Variants in RHOH observed in about 807,000 individuals in gnomAD.
The protein encoded by RHOH is ras homolog family member H, also known as rho-related GTP-binding protein RhoH.
Under a neutral mutation model 13.8 loss-of-function variants are expected in RHOH, and 6 were observed. The observed-to-expected ratio is 0.44, with a 90% CI of 0.24 to 0.86. The LOEUF (loss-of-function observed/expected upper bound fraction) is 0.86. Among genes scored for constraint, RHOH ranks in the 40% least tolerant of loss-of-function variants. The pLI is 0.24. For synonymous variants in RHOH, 117 were observed against 103.0 expected (o/e 1.14, Z -0.82); for missense variants, 147 against 244.5 (o/e 0.60, Z 2.66).
At chr4:40,237,037 A>G (rs903484698) in intron 1 of RHOH, among the ~76,000 whole-genome samples, 11 of 152,358 alleles carry the variant, frequency 7.2e-5, no homozygotes, top group Non-Finnish European at 1.3e-4. Context: ...GATATATACA[A>G]GTGTCTATTT....
Position 40,244,113 on chromosome 4 carries a change from A to G in RHOH, c.*151A>G, listed in dbSNP as rs1036349322. 7 of 624,462 alleles carry G rather than the reference A, an allele frequency of 1.1e-5. No individual in the cohort carries two copies. The African/African-American group carries it at 1.3e-4, about 12-fold the overall frequency. 38.7% of individuals were successfully genotyped at this position (624,462 alleles called of 1,614,324 possible). A position where few individuals can be genotyped will look rare whatever the true frequency, so the allele number is the denominator to read the frequency against. ...ATACAGTTATTGATGAGGCTTGGCC[A>G]CTGGATGTTTTCACTAACTACACTC... On this transcript the variant is annotated 3_prime_UTR_variant, in exon 3 of 3. Coordinates refer to ENST00000381799, the MANE Select transcript of RHOH (RefSeq NM_004310.5).
chr4:40,212,692 A>T (rs758384162), intron 1 of RHOH: 11 of 152,246 alleles, frequency 7.2e-5, no homozygotes, highest in Admixed American at 2.6e-4. Flanking sequence ...AAAGTACCAA[A>T]CCTCAAGAGA....
rs138087106 is a variant in RHOH at position 40,224,259 on chromosome 4, G to A, written c.-330-18455G>A. Among the ~76,000 whole-genome samples the A allele has an allele frequency of 2.6e-4, 40 of 152,272 alleles. No homozygotes were observed. In the South Asian group the frequency reaches 6.8e-3, roughly 26 times the overall value. On this transcript the variant is annotated intron_variant, in intron 1 of 2. Transcript: ENST00000381799. ...CTTCTAATGCTGAGTGGATTCTATCGAATGGATATGGCATAATTAATTTAA... is the reference window on the plus strand; with the variant it reads ...CTTCTAATGCTGAGTGGATTCTATCAAATGGATATGGCATAATTAATTTAA...
At chr4:40,235,069 G>A (rs1386447343) in intron 1 of RHOH, 3 of 152,222 alleles carry the variant, frequency 2.0e-5, no homozygotes, top group Middle Eastern at 3.2e-3. Flanking sequence ...ATAGGATTCA[G>A]ATTGGTGAAA....
chr4:40,224,673 C>T (rs1293472254), intron 1 of RHOH, among the ~76,000 whole-genome samples: 1 of 152,254 alleles, frequency 6.6e-6, no homozygotes, highest in Non-Finnish European at 1.5e-5. Context: ...CAAGTTGCAT[C>T]TTCAGCTTCT....
At position 40,203,545 on chromosome 4, in the gene RHOH, A is replaced by T. The variant is rs568366349; in HGVS notation, c.-331+6245A>T. 1.9e-3 allele frequency among the ~76,000 whole-genome samples: 283 copies of T among 147,866 alleles called. 1 individual carries two copies. In the Middle Eastern group the frequency reaches 0.038, roughly 20 times the overall value. On this transcript the variant is annotated intron_variant, in intron 1 of 2. Transcript: ENST00000381799. The stretch of plus-strand genomic sequence containing the variant: ...GAGTGTGTGTGTGTGTGTGTGTGTG[A>T]GAGAGAGAGAGTGTGTGTGTGTGTG...
upstream of RHOH, chr4:40,191,170 A>G (rs1722695559): frequency 6.6e-6 from 1 of 152,180 alleles, no homozygotes; most frequent in African/African-American, 2.4e-5. Flanking sequence ...CCCTTGACCC[A>G]AAGATACTGC....
At chr4:40,233,577 C>A (rs1353056861) in intron 1 of RHOH, among the ~76,000 whole-genome samples, 1 of 152,140 alleles carries the variant, frequency 6.6e-6, no homozygotes, top group Non-Finnish European at 1.5e-5. Flanking sequence ...AGTTGGCAAA[C>A]TTTTTTGTGT....
chr4:40,197,377 A>C (rs187021093), intron 1 of RHOH, 77 bp downstream of exon 1: 1 of 151,962 alleles, frequency 6.6e-6, no homozygotes, highest in African/African-American at 2.4e-5. Flanking sequence ...CTTTTACTCT[A>C]GGCCAAACAT....
At chr4:40,229,674 C>G (rs915217181) in intron 1 of RHOH, among the ~76,000 whole-genome samples, 1 of 151,896 alleles carries the variant, frequency 6.6e-6, no homozygotes, top group East Asian at 1.9e-4. Flanking sequence ...ACAAAAGCCC[C>G]CACGCTTTAA....
At chr4:40,193,410 A>T (rs1722807650), upstream of RHOH, among the ~76,000 whole-genome samples, 3 of 143,314 alleles carry the variant, frequency 2.1e-5, no homozygotes, top group South Asian at 2.2e-4. Flanking sequence ...GTTTGCATGT[A>T]TTTTCAGCGT....
At chr4:40,211,033 G>A (rs182543517) in intron 1 of RHOH, among the ~76,000 whole-genome samples, 3 of 152,118 alleles carry the variant, frequency 2.0e-5, no homozygotes, top group Non-Finnish European at 4.4e-5. Context: ...CTAACAATGC[G>A]TGCCGTAGAG....
chr4:40,213,595 T>G (rs1249573213), intron 1 of RHOH, among the ~76,000 whole-genome samples: 1 of 152,138 alleles, frequency 6.6e-6, no homozygotes, highest in Non-Finnish European at 1.5e-5. Context: ...GCATAGTTCC[T>G]AGTTACCAAA....
intron 1 of RHOH, among the ~76,000 whole-genome samples, chr4:40,220,276 C>G (rs1297735612): frequency 6.6e-6 from 1 of 152,096 alleles, no homozygotes; most frequent in African/African-American, 2.4e-5. Context: ...TCCTCTCCCC[C>G]TCCCCACCCC....
At chr4:40,206,574 G>A (rs1724661947) in intron 1 of RHOH, among the ~76,000 whole-genome samples, 1 of 115,112 alleles carries the variant, frequency 8.7e-6, no homozygotes, top group Non-Finnish European at 2.1e-5. Context: ...TCTACTCTTT[G>A]GGCAGTAACT....
chr4:40,241,008 ATAATT>A (rs1240828538), intron 1 of RHOH, among the ~76,000 whole-genome samples: 1 of 152,034 alleles, frequency 6.6e-6, no homozygotes, highest in African/African-American at 2.4e-5. Flanking sequence ...AAAAAATAAG[ATAATT>A]AAATTAAATT....
intron 1 of RHOH, among the ~76,000 whole-genome samples, chr4:40,238,426 C>G (rs1241102680): frequency 6.6e-6 from 1 of 152,212 alleles, no homozygotes; most frequent in Admixed American, 6.5e-5. Context: ...CTGAACAGCC[C>G]TCAGTTCTCC....
chr4:40,245,930 G>A lies in RHOH; in HGVS notation c.*1968G>A, dbSNP rs1729740524. ...GTGGGAGGATTGCCTCGGTTCCCTGGGGCTGACACAGCTGCCTTCACTCAG... is the reference window on the plus strand; with the variant it reads ...GTGGGAGGATTGCCTCGGTTCCCTGAGGCTGACACAGCTGCCTTCACTCAG... On this transcript the variant is annotated 3_prime_UTR_variant, in exon 3 of 3. Transcript: ENST00000381799. 6.6e-6 allele frequency: 1 copy of A among 152,246 alleles called. No individual in the cohort carries two copies. Among genetic ancestry groups the A allele is most frequent in the African/African-American group, 2.4e-5 (1 of 41,428 alleles). The allele number at this position is 152,246 out of a possible 1,614,324, so 9.4% of individuals were successfully genotyped here. A position where few individuals can be genotyped will look rare whatever the true frequency, so the allele number is the denominator to read the frequency against.
chr4:40,239,323 T>C (rs1728975992), intron 1 of RHOH, among the ~76,000 whole-genome samples: 1 of 152,194 alleles, frequency 6.6e-6, no homozygotes, highest in African/African-American at 2.4e-5. Context: ...CTTTTTCTCC[T>C]TTCTGACTCT....
Sources: allele counts gnomAD v4.1 joint callset (sites outside exome capture counted in the v4.1 genomes callset), GRCh38; gene constraint gnomAD v4.1.1; transcripts MANE v1.5; gene names NCBI Gene and HGNC (gene_info 2026-07-23, HGNC 2026-07-21).